The following FBXL17 variants were observed in gnomAD, a reference collection of about 807,000 sequenced individuals.
The protein encoded by FBXL17 is F-box/LRR-repeat protein 17.
FBXL17 carries 22 observed loss-of-function variants against 66.2 expected under a neutral mutation model. The ratio of observed to expected loss-of-function variants is 0.33; its 90% CI spans 0.24 to 0.47. The LOEUF is 0.47. Ranked by LOEUF, FBXL17 falls within the 20% of genes least tolerant of loss-of-function variation. FBXL17 has a pLI of 1.00. For missense variants in FBXL17, 878 were observed against 948.2 expected (o/e 0.93, Z 0.97); for synonymous variants, 474 against 400.5 (o/e 1.18, Z -2.19).
chr5:108,235,806 C>A (rs1157872612), intron 4 of FBXL17, among the ~76,000 whole-genome samples: 1 of 152,198 alleles, frequency 6.6e-6, no homozygotes, highest in African/African-American at 2.4e-5. Flanking sequence ...CCACGTACAA[C>A]AGAAGCTCCA....
chr5:108,013,288 T>G (rs569208164), intron 7 of FBXL17, among the ~76,000 whole-genome samples: 29 of 152,314 alleles, frequency 1.9e-4, no homozygotes, highest in African/African-American at 6.7e-4. Flanking sequence ...CAACAAAAAT[T>G]GGAACTTACC....
chr5:108,201,941 T>C (rs566048221), intron 5 of FBXL17, among the ~76,000 whole-genome samples: 4 of 150,576 alleles, frequency 2.7e-5, no homozygotes, highest in African/African-American at 9.8e-5. Flanking sequence ...CCAGATAAAA[T>C]AGAGTTGATA....
chr5:107,946,929 T>G (rs574742582), intron 7 of FBXL17, among the ~76,000 whole-genome samples: 1 of 152,278 alleles, frequency 6.6e-6, no homozygotes, highest in African/African-American at 2.4e-5. Flanking sequence ...GATTTTTTTT[T>G]CATATACCTT....
intron 7 of FBXL17, among the ~76,000 whole-genome samples, chr5:107,956,159 TACAC>T (rs747248078): frequency 6.6e-6 from 1 of 151,878 alleles, no homozygotes; most frequent in African/African-American, 2.4e-5. Flanking sequence ...CTTCTAGATA[TACAC>T]ACACACACAA....
intron 4 of FBXL17, among the ~76,000 whole-genome samples, chr5:108,274,287 G>A (rs540522994): frequency 6.6e-6 from 1 of 152,114 alleles, no homozygotes; most frequent in Non-Finnish European, 1.5e-5. Flanking sequence ...CCACGCCCGG[G>A]GGGGCCAGTT....
chr5:108,119,790 T>C (rs533633177), intron 6 of FBXL17, among the ~76,000 whole-genome samples: 1 of 152,356 alleles, frequency 6.6e-6, no homozygotes, highest in South Asian at 2.1e-4. Flanking sequence ...TTCCTGATCA[T>C]TTCCCTATGA....
At position 108,150,233 on chromosome 5, in the gene FBXL17, C is replaced by CT. The variant is rs528972136; in HGVS notation, c.1745+35883dup. Among the ~76,000 whole-genome samples the CT allele has an allele frequency of 4.1e-4, 63 of 151,826 alleles. 2 individuals are homozygous for CT. The South Asian group carries it at 9.6e-3, about 23-fold the overall frequency. ...CCAAGAAATTTAACTTTGATACAAT[C>CT]TTTTTTTTTCTCAGATACAGTCTAT... On this transcript the variant is annotated intron_variant, in intron 6 of 8. Coordinates refer to ENST00000542267, the MANE Select transcript of FBXL17 (RefSeq NM_001163315.3).
chr5:108,161,484 T>TCAAACAAA (rs35579770), intron 6 of FBXL17, among the ~76,000 whole-genome samples: 2 of 150,516 alleles, frequency 1.3e-5, no homozygotes, highest in African/African-American at 4.9e-5. Flanking sequence ...AGACTCTGTC[T>TCAAACAAA]CAAACAAACA....
chr5:108,027,587 C>T (rs1333659881), intron 6 of FBXL17, among the ~76,000 whole-genome samples: 1 of 151,952 alleles, frequency 6.6e-6, no homozygotes, highest in Non-Finnish European at 1.5e-5. Flanking sequence ...TAATCAAAAG[C>T]CACATTATTA....
intron 4 of FBXL17, among the ~76,000 whole-genome samples, chr5:108,225,055 C>T (rs1296391083): frequency 8.5e-5 from 13 of 152,116 alleles, no homozygotes; most frequent in Non-Finnish European, 1.8e-4. Flanking sequence ...TGTTCACCAC[C>T]CCCCAAAGAC....
intron 7 of FBXL17, among the ~76,000 whole-genome samples, chr5:107,939,244 A>G (rs1040601652): frequency 6.6e-6 from 1 of 152,104 alleles, no homozygotes; most frequent in Non-Finnish European, 1.5e-5. Flanking sequence ...AAATGTCGTA[A>G]TAATGTTTAC....
chr5:107,967,505 G>C (rs1288245836), intron 7 of FBXL17, among the ~76,000 whole-genome samples: 1 of 133,372 alleles, frequency 7.5e-6, no homozygotes, highest in Non-Finnish European at 1.6e-5. Flanking sequence ...TACAGGAAGG[G>C]GAACATCACA....
chr5:108,289,528 C>T (rs1758027338), intron 4 of FBXL17, among the ~76,000 whole-genome samples: 1 of 152,002 alleles, frequency 6.6e-6, no homozygotes. Flanking sequence ...ATTGGCCGTT[C>T]ATTAGGTTTC....
chr5:108,174,730 A>C (rs1370588319), intron 6 of FBXL17, among the ~76,000 whole-genome samples: 4 of 139,720 alleles, frequency 2.9e-5, no homozygotes, highest in Non-Finnish European at 6.0e-5. Context: ...ATATAGCTAT[A>C]CTTTTTACAC....
At chr5:108,256,322 T>C (rs918570278) in intron 4 of FBXL17, among the ~76,000 whole-genome samples, 1 of 152,144 alleles carries the variant, frequency 6.6e-6, no homozygotes. Flanking sequence ...TCAGCTAAAG[T>C]CAAGTCAAAA....
chr5:108,084,203 A>G (rs980984840), intron 6 of FBXL17, among the ~76,000 whole-genome samples: 2 of 152,220 alleles, frequency 1.3e-5, no homozygotes, highest in African/African-American at 2.4e-5. Context: ...GCCGCAAGCA[A>G]TGAAAAAGAA....
At chr5:108,287,158 C>T (rs937989154) in intron 4 of FBXL17, among the ~76,000 whole-genome samples, 7 of 151,930 alleles carry the variant, frequency 4.6e-5, no homozygotes, top group Non-Finnish European at 1.0e-4. Context: ...AAACCTAAAA[C>T]TATAAAAATA....
In FBXL17 at chr5:107,901,605, C is replaced by A. The variant is rs912778206; in HGVS notation, c.1823-20426G>T. Among the ~76,000 whole-genome samples, 3 of 152,158 alleles carry A rather than the reference C, an allele frequency of 2.0e-5. 1 individual carries two copies. The highest frequency in any genetic ancestry group is 2.0e-4 in the Admixed American group (3 of 15,268). On this transcript the variant is annotated intron_variant, in intron 7 of 8. Coordinates refer to ENST00000542267, the MANE Select transcript of FBXL17 (RefSeq NM_001163315.3). ...AGGGACACACTTTGTTTGCACATAA[C>A]ACACAGAAATATACTTCTCCTCCGT...
At chr5:107,990,810 A>T (rs994777850) in intron 7 of FBXL17, among the ~76,000 whole-genome samples, 1 of 152,010 alleles carries the variant, frequency 6.6e-6, no homozygotes, top group African/African-American at 2.4e-5. Context: ...AACCTATCTC[A>T]TGGTGTCTTG....
Sources: gnomAD v4.1 joint callset for allele counts (sites outside exome capture counted in the v4.1 genomes callset) on GRCh38, gnomAD v4.1.1 for gene constraint, MANE v1.5 for transcripts, NCBI Gene and HGNC (gene_info 2026-07-23, HGNC 2026-07-21) for gene names.